The following DPYSL2 variants were observed in gnomAD, a reference collection of about 807,000 sequenced individuals.
DPYSL2 encodes dihydropyrimidinase-related protein 2.
In DPYSL2, 13 loss-of-function variants were observed where a neutral mutation model predicts 69.9. The ratio of observed to expected loss-of-function variants is 0.19; its 90% confidence interval spans 0.12 to 0.30. The LOEUF (loss-of-function observed/expected upper bound fraction) is 0.30. DPYSL2 is among the 10% of genes least tolerant of loss of function. DPYSL2 has a pLI of 1.00. For synonymous variants in DPYSL2, 326 were observed against 359.1 expected, an observed-to-expected ratio of 0.91 and a Z score of 1.04; for missense variants, 587 against 918.9, an observed-to-expected ratio of 0.64 and a Z score of 4.67.
rs2129984011 is a variant in DPYSL2 at position 26,647,886 on chromosome 8, A to G, written c.1596+86A>G. 2.7e-6 allele frequency: 4 copies of G among 1,468,474 alleles called. No individual in the cohort carries two copies. In the East Asian group the frequency reaches 7.4e-5, roughly 27 times the overall value. 91.0% of individuals were successfully genotyped at this position (1,468,474 alleles called of 1,614,324 possible). On this transcript the variant is annotated intron_variant, in intron 11 of 13. Coordinates refer to ENST00000521913, the MANE Select transcript of DPYSL2 (RefSeq NM_001197293.3). The surrounding 1 kb of genome is among the most constrained non-coding windows in gnomAD (Gnocchi z 5.1). ...GGAGGGAGAGCCCCAGGGTTTCTAA[A>G]AAGAACTTGCTGTGATGGGAATGCG... is the stretch of plus-strand genomic sequence containing the variant.
In DPYSL2 at chr8:26,655,606, T is replaced by C; in HGVS notation, c.1943-9T>C. On this transcript the variant is annotated splice_polypyrimidine_tract_variant and intron_variant, in intron 13 of 13. Coordinates refer to ENST00000521913, the MANE Select transcript of DPYSL2 (RefSeq NM_001197293.3). ...CCTCACCCGCTCCTCTCTTCTCCTC[T>C]CCCTCCAGGTGCTCAGATTGATGAC... 2 of 1,595,786 alleles carry C rather than the reference T, an allele frequency of 1.3e-6. No individual in the cohort carries two copies. Among genetic ancestry groups the C allele is most frequent in the Non-Finnish European group, 8.6e-7 (1 of 1,167,300 alleles).
intron 1 of DPYSL2, among the ~76,000 whole-genome samples, chr8:26,576,087 T>C (rs1362087075): frequency 6.6e-6 from 1 of 152,248 alleles, no homozygotes; most frequent in Non-Finnish European, 1.5e-5. Context: ...ACTTTCTCTT[T>C]CAGATGCACA....
chr8:26,613,458 G>A (rs1387545243), intron 3 of DPYSL2, among the ~76,000 whole-genome samples: 1 of 152,252 alleles, frequency 6.6e-6, no homozygotes, highest in Non-Finnish European at 1.5e-5. Flanking sequence ...TTCAGGATGA[G>A]TGGCTCCCTT....
chr8:26,575,039 T>G (rs895151901), intron 1 of DPYSL2, among the ~76,000 whole-genome samples: 1 of 152,262 alleles, frequency 6.6e-6, no homozygotes, highest in Admixed American at 6.5e-5. Context: ...ATTCAAGTGA[T>G]TCTCCTGCCT....
Position 26,593,249 on chromosome 8 carries a change from T to C in DPYSL2, c.628+9266T>C, listed in dbSNP as rs1007685539. On this transcript the variant is annotated intron_variant, in intron 3 of 13. Transcript: ENST00000521913. The surrounding 1 kb of genome is among the most constrained non-coding windows in gnomAD (Gnocchi z 5.7). ...GAACTAGGGCAGTGGTTTAAAAACC[T>C]TGACTGCACATTAGAATCCCCTGGG... is the stretch of plus-strand genomic sequence containing the variant. Among the ~76,000 whole-genome samples, 3 of 152,118 alleles carry C rather than the reference T, an allele frequency of 2.0e-5. No individual in the cohort carries two copies. Among genetic ancestry groups the C allele is most frequent in the African/African-American group, 7.2e-5 (3 of 41,418 alleles).
chr8:26,553,549 G>A (rs1800900933), intron 1 of DPYSL2, among the ~76,000 whole-genome samples: 1 of 152,106 alleles, frequency 6.6e-6, no homozygotes, highest in Non-Finnish European at 1.5e-5. Flanking sequence ...TCTTGCAAAG[G>A]ACATGATCTC....
At chr8:26,584,059 C>T (rs1801544960) in intron 3 of DPYSL2, 76 bp downstream of exon 3, 1 of 1,470,378 alleles carries the variant, frequency 6.8e-7, no homozygotes, top group African/African-American at 1.4e-5. Context: ...GTTTGATTCT[C>T]TCCTTCTAAA....
At chr8:26,589,485 C>T (rs1427527962) in intron 3 of DPYSL2, among the ~76,000 whole-genome samples, 1 of 152,236 alleles carries the variant, frequency 6.6e-6, no homozygotes, top group Admixed American at 6.5e-5. Flanking sequence ...AATACACTGA[C>T]GATACTTGAT....
At chr8:26,630,368 T>C (rs1802740673) in intron 7 of DPYSL2, among the ~76,000 whole-genome samples, 1 of 151,414 alleles carries the variant, frequency 6.6e-6, no homozygotes, top group African/African-American at 2.4e-5. Context: ...CTCCCTGGAA[T>C]TGGGCTTTGT....
rs530440074 is a variant in DPYSL2, at chr8:26,644,196, G to A, written c.1425+105G>A. Reference sequence around the variant, plus strand: ...GGCCTTGAAATGACAGACAGTGGAGGACATCCTAGAAGCCAGTACTTATAT... The same window carrying A: ...GGCCTTGAAATGACAGACAGTGGAGAACATCCTAGAAGCCAGTACTTATAT... On this transcript the variant is annotated intron_variant, in intron 10 of 13. Coordinates refer to ENST00000521913, the MANE Select transcript of DPYSL2 (RefSeq NM_001197293.3). This position sits in a 1 kb window ranked among gnomAD's most constrained non-coding sequence, Gnocchi z 4.5. 5 of 1,395,210 alleles carry A rather than the reference G, an allele frequency of 3.6e-6. No homozygotes were observed. Among genetic ancestry groups the A allele is most frequent in the Admixed American group, 4.9e-5 (2 of 40,862 alleles). The allele number at this position is 1,395,210 out of a possible 1,614,324, so 86.4% of individuals were successfully genotyped here.
At position 26,619,390 on chromosome 8, in the gene DPYSL2, C is replaced by T. The variant is rs1056984462; in HGVS notation, c.629-4753C>T. 2 of 152,130 alleles carry T rather than the reference C, an allele frequency of 1.3e-5. No homozygotes were observed. The highest frequency in any genetic ancestry group is 2.4e-5 in the African/African-American group (1 of 41,396). 9.4% of individuals were successfully genotyped at this position (152,130 alleles called of 1,614,324 possible). ...TTTCCCCAAAGTGCTCAGCTGTGTC[C>T]GGGTCCTGAGTTTTTCAAGGGTTTA... On this transcript the variant is annotated intron_variant, in intron 3 of 13. Transcript: ENST00000521913. This position sits in a 1 kb window ranked among gnomAD's most constrained non-coding sequence, Gnocchi z 4.8.
intron 1 of DPYSL2, among the ~76,000 whole-genome samples, chr8:26,569,516 C>G (rs541623852): frequency 7.2e-5 from 11 of 152,116 alleles, no homozygotes; most frequent in Non-Finnish European, 1.5e-4. Context: ...GAAAGGTTCT[C>G]CTGTTCATTT....
At chr8:26,639,517 A>G (rs1182511442) in intron 8 of DPYSL2, among the ~76,000 whole-genome samples, 1 of 152,202 alleles carries the variant, frequency 6.6e-6, no homozygotes, top group African/African-American at 2.4e-5. Context: ...TCTGGTTTTC[A>G]GCCATCTCAG....
intron 3 of DPYSL2, among the ~76,000 whole-genome samples, chr8:26,616,681 G>A (rs1802356318): frequency 6.6e-6 from 1 of 152,212 alleles, no homozygotes. Flanking sequence ...TTGCTTCAAG[G>A]GGCTGGCGGG....
chr8:26,596,694 T>C (rs1297020829), intron 3 of DPYSL2, among the ~76,000 whole-genome samples: 1 of 152,214 alleles, frequency 6.6e-6, no homozygotes, highest in Non-Finnish European at 1.5e-5. Flanking sequence ...CTGTTATAAA[T>C]GAAGTAATGA....
At position 26,644,531 on chromosome 8, in the gene DPYSL2, G is replaced by A. The variant is rs572650473; in HGVS notation, c.1425+440G>A. On this transcript the variant is annotated intron_variant, in intron 10 of 13. Coordinates refer to ENST00000521913, the MANE Select transcript of DPYSL2 (RefSeq NM_001197293.3). The surrounding 1 kb of genome is among the most constrained non-coding windows in gnomAD (Gnocchi z 4.5). ...TCACTATGTTGCCCAGGCTGGTCTC[G>A]AGTTCCCGGGTTTAAGCAATGCCTC... Among the ~76,000 whole-genome samples, 145 of 151,748 alleles carry A rather than the reference G, an allele frequency of 9.6e-4. No individual in the cohort carries two copies. The highest frequency in any genetic ancestry group is 1.8e-3 in the Non-Finnish European group (123 of 67,950).
At chr8:26,556,305 A>G (rs367615328) in intron 1 of DPYSL2, among the ~76,000 whole-genome samples, 2 of 20,670 alleles carry the variant, frequency 9.7e-5, no homozygotes, top group Non-Finnish European at 2.1e-4. Flanking sequence ...GTATATATAT[A>G]GTATATATAT....
chr8:26,556,484 A>G (rs1800989842), intron 1 of DPYSL2, among the ~76,000 whole-genome samples: 1 of 129,302 alleles, frequency 7.7e-6, no homozygotes, highest in Non-Finnish European at 1.6e-5. Context: ...AAATGATTAT[A>G]TCAAGATTGT....
At position 26,564,882 on chromosome 8, in the gene DPYSL2, T is replaced by C. The variant is rs1441287024; in HGVS notation, c.355-17087T>C. 6.6e-6 allele frequency among the ~76,000 whole-genome samples: 1 copy of C among 152,164 alleles called. No individual in the cohort carries two copies. The highest frequency in any genetic ancestry group is 2.4e-5 in the African/African-American group (1 of 41,420). Reference sequence around the variant, plus strand: ...GCACCCATCACCCAAGGAGTGTACATTGTACCTAATGTGTAGTTTTTTTTT... The same window carrying C: ...GCACCCATCACCCAAGGAGTGTACACTGTACCTAATGTGTAGTTTTTTTTT... On this transcript the variant is annotated intron_variant, in intron 1 of 13. Transcript: ENST00000521913. The surrounding 1 kb of genome is among the most constrained non-coding windows in gnomAD (Gnocchi z 4.8).
Sources: allele counts gnomAD v4.1 joint callset (sites outside exome capture counted in the v4.1 genomes callset), GRCh38; gene constraint gnomAD v4.1.1; non-coding constraint Gnocchi (gnomAD v3.1); transcripts MANE v1.5; gene names NCBI Gene and HGNC (gene_info 2026-07-23, HGNC 2026-07-21).